SOX6: variants seen among roughly 807,000 people sequenced by gnomAD.
The protein encoded by SOX6 is transcription factor SOX-6.
In SOX6, 11 loss-of-function variants were observed where a neutral mutation model predicts 97.8. The ratio of observed to expected loss-of-function variants is 0.11; its 90% CI spans 0.07 to 0.19. The LOEUF (loss-of-function observed/expected upper bound fraction) is 0.19. Ranked by LOEUF, SOX6 falls within the 10% of genes least tolerant of loss-of-function variation. The probability of loss-of-function intolerance (pLI) is 1.00; values close to 1 mark genes in which losing one functional copy is unlikely to be tolerated. For missense variants in SOX6, 810 were observed against 1,039.5 expected (o/e 0.78, Z 3.04); for synonymous variants, 360 against 371.4 (o/e 0.97, Z 0.35).
rs768193293 is a variant in SOX6, at chr11:16,012,746, G to A, written c.1732+2196C>T. On this transcript the variant is annotated intron_variant, in intron 13 of 15. Coordinates refer to ENST00000683767, the MANE Select transcript of SOX6 (RefSeq NM_001367873.1). Reference sequence around the variant, plus strand: ...CTACCCTTAATATGTGGCTCATAGCGAGTAATTTAATTATTCTCAGCCTCA... The same window carrying A: ...CTACCCTTAATATGTGGCTCATAGCAAGTAATTTAATTATTCTCAGCCTCA... 7.9e-5 allele frequency among the ~76,000 whole-genome samples: 12 copies of A among 151,908 alleles called. No individual in the cohort carries two copies. The South Asian group carries it at 8.3e-4, about 10-fold the overall frequency.
intron 4 of SOX6, among the ~76,000 whole-genome samples, chr11:16,230,562 T>C (rs1852817945): frequency 6.6e-6 from 1 of 151,776 alleles, no homozygotes; most frequent in Non-Finnish European, 1.5e-5. Flanking sequence ...ATGTGCAGAA[T>C]TATTGAGAGA....
At chr11:16,362,383 C>G (rs1419184276) in intron 1 of SOX6, among the ~76,000 whole-genome samples, 1 of 152,066 alleles carries the variant, frequency 6.6e-6, no homozygotes, top group Non-Finnish European at 1.5e-5. Context: ...CCTAACTTCA[C>G]TCCTCCACTC....
intron 4 of SOX6, among the ~76,000 whole-genome samples, chr11:16,538,421 T>C (rs908973937): frequency 6.6e-6 from 1 of 152,146 alleles, no homozygotes; most frequent in African/African-American, 2.4e-5. Context: ...CATTAATTAA[T>C]GGGCAAAATA....
intron 1 of SOX6, among the ~76,000 whole-genome samples, chr11:16,443,503 C>A (rs569046332): frequency 6.6e-6 from 1 of 152,252 alleles, no homozygotes. Flanking sequence ...AAAATCTCCA[C>A]AAATTGTTTT....
chr11:16,318,378 T>C, intron 3 of SOX6, 68 bp downstream of exon 3: 1 of 1,561,176 alleles, frequency 6.4e-7, no homozygotes, highest in Admixed American at 1.7e-5. Flanking sequence ...CCCACTTTTT[T>C]TTTTTTTTTA....
At chr11:16,200,964 A>G (rs947262772) in intron 4 of SOX6, among the ~76,000 whole-genome samples, 1 of 152,060 alleles carries the variant, frequency 6.6e-6, no homozygotes, top group Non-Finnish European at 1.5e-5. Context: ...ACATATATAT[A>G]AAACTAGCCA....
intron 4 of SOX6, among the ~76,000 whole-genome samples, chr11:16,481,583 T>A (rs1023947358): frequency 6.6e-6 from 1 of 152,102 alleles, no homozygotes; most frequent in Non-Finnish European, 1.5e-5. Flanking sequence ...TCAACCTATA[T>A]CTCTTCAATA....
chr11:16,628,273 T>G (rs1848651741), intron 3 of SOX6, among the ~76,000 whole-genome samples: 1 of 152,156 alleles, frequency 6.6e-6, no homozygotes, highest in Admixed American at 6.5e-5. Context: ...CTTTGGCTAC[T>G]TGGGCTCTTT....
intron 6 of SOX6, among the ~76,000 whole-genome samples, chr11:16,145,428 T>C (rs1230382553): frequency 1.3e-5 from 2 of 152,196 alleles, no homozygotes; most frequent in African/African-American, 4.8e-5. Flanking sequence ...GCATTCCCTT[T>C]GAAAACTGGC....
chr11:16,476,110 GA>G (rs1359127706), intron 1 of SOX6, among the ~76,000 whole-genome samples: 1 of 152,072 alleles, frequency 6.6e-6, no homozygotes, highest in Non-Finnish European at 1.5e-5. Flanking sequence ...TATTTCACTG[GA>G]AATTACAACA....
intron 6 of SOX6, among the ~76,000 whole-genome samples, chr11:16,174,765 T>G (rs564512556): frequency 6.6e-6 from 1 of 152,100 alleles, no homozygotes; most frequent in East Asian, 1.9e-4. Flanking sequence ...ACTTTTGCAT[T>G]TTGTGCAGCT....
In SOX6 at chr11:16,501,771, T is replaced by C. The variant is rs370366232; in HGVS notation, n.610-25383A>G. Among the ~76,000 whole-genome samples the C allele has an allele frequency of 2.0e-3, 310 of 152,238 alleles. 1 individual carries two copies. Among genetic ancestry groups the C allele is most frequent in the Non-Finnish European group, 2.8e-3 (193 of 68,000 alleles). On this transcript the variant is annotated intron_variant and non_coding_transcript_variant, in intron 4 of 5. Coordinates refer to the SOX6 transcript ENST00000524520. ...TCAAAACCACAATGAGATACCATCTTACACCAGTTAGAATGGCAATCATTG... is the reference window on the plus strand; with the variant it reads ...TCAAAACCACAATGAGATACCATCTCACACCAGTTAGAATGGCAATCATTG...
At chr11:16,426,679 C>T (rs1366993877) in intron 1 of SOX6, among the ~76,000 whole-genome samples, 2 of 151,880 alleles carry the variant, frequency 1.3e-5, no homozygotes, top group South Asian at 2.1e-4. Flanking sequence ...TTTTGGGAGG[C>T]CGAGGCGGGC....
intron 1 of SOX6, among the ~76,000 whole-genome samples, chr11:16,362,261 A>C (rs141485650): frequency 7.4e-4 from 113 of 152,246 alleles, no homozygotes; most frequent in African/African-American, 2.2e-3. Context: ...CTCTTTCTCT[A>C]CTCTTCTAAA....
At chr11:16,431,683 G>A (rs1721530876) in intron 1 of SOX6, among the ~76,000 whole-genome samples, 1 of 152,044 alleles carries the variant, frequency 6.6e-6, no homozygotes, top group African/African-American at 2.4e-5. Context: ...CAACTATGAA[G>A]CATATTAATG....
chr11:16,225,551 T>C (rs1339802244), intron 4 of SOX6, among the ~76,000 whole-genome samples: 1 of 149,404 alleles, frequency 6.7e-6, no homozygotes, highest in East Asian at 1.9e-4. Flanking sequence ...TACTTACATA[T>C]ACTTTAGGGC....
At chr11:16,594,846 A>G (rs1228295501) in intron 4 of SOX6, among the ~76,000 whole-genome samples, 2 of 151,850 alleles carry the variant, frequency 1.3e-5, no homozygotes, top group Non-Finnish European at 2.9e-5. Flanking sequence ...CCCCGCCACC[A>G]TGCCTGGATA....
chr11:16,523,961 T>C (rs1211651628), intron 4 of SOX6, among the ~76,000 whole-genome samples: 2 of 152,086 alleles, frequency 1.3e-5, no homozygotes, highest in African/African-American at 2.4e-5. Flanking sequence ...AATAGACCCA[T>C]AACAGGCTCT....
intron 13 of SOX6, among the ~76,000 whole-genome samples, chr11:16,000,654 C>T (rs1473347463): frequency 6.6e-6 from 1 of 152,146 alleles, no homozygotes. Flanking sequence ...TTTACTTCAA[C>T]TGTTGAAGCT....
Sources: gnomAD v4.1 joint callset for allele counts (sites outside exome capture counted in the v4.1 genomes callset) on GRCh38, gnomAD v4.1.1 for gene constraint, MANE v1.5 for transcripts, NCBI Gene and HGNC (gene_info 2026-07-23, HGNC 2026-07-21) for gene names.